The following IL16 variants were observed in gnomAD, a reference collection of about 807,000 sequenced individuals.
The protein encoded by IL16 is interleukin 16.
In IL16, 67 loss-of-function variants were observed where a neutral mutation model predicts 110.1. The observed-to-expected ratio is 0.61, with a 90% confidence interval of 0.50 to 0.75. IL16 has a LOEUF of 0.75. Among genes scored for constraint, IL16 ranks in the 30% least tolerant of loss-of-function variants. IL16 has a pLI of 0.00. For synonymous variants in IL16, 689 were observed against 662.9 expected (o/e 1.04, Z -0.61); for missense variants, 1,545 against 1,655.0 (o/e 0.93, Z 1.15).
intron 2 of IL16, among the ~76,000 whole-genome samples, chr15:81,237,973 C>T (rs542954754): frequency 8.5e-5 from 13 of 152,152 alleles, no homozygotes; most frequent in Admixed American, 2.6e-4. Flanking sequence ...GATGCAATCT[C>T]GGCTCACTGC....
intron 1 of IL16, among the ~76,000 whole-genome samples, chr15:81,209,250 A>T (rs1356410128): frequency 6.6e-6 from 1 of 152,164 alleles, no homozygotes. Context: ...CAGGGAAATC[A>T]TGGGTACACC....
chr15:81,280,289 G>A (rs760363055), intron 8 of IL16, among the ~76,000 whole-genome samples: 3 of 152,198 alleles, frequency 2.0e-5, no homozygotes, highest in Non-Finnish European at 4.4e-5. Flanking sequence ...AGGAGGCAGC[G>A]AGGCACAGAG....
At position 81,187,340 on chromosome 15, in the gene IL16, G is replaced by A. The variant is rs1014414782; in HGVS notation, c.40+4444G>A. 4.6e-5 allele frequency among the ~76,000 whole-genome samples: 7 copies of A among 152,166 alleles called. No homozygotes were observed. The South Asian group carries it at 1.2e-3, about 27-fold the overall frequency. ...TGGCTGGATGCAGTGGCTCACATCCGTAATCGCTACACTTTTGTAGGCTGA... is the reference window on the plus strand; with the variant it reads ...TGGCTGGATGCAGTGGCTCACATCCATAATCGCTACACTTTTGTAGGCTGA... On this transcript the variant is annotated intron_variant, in intron 1 of 18. Coordinates refer to the IL16 transcript ENST00000302987.
intron 2 of IL16, among the ~76,000 whole-genome samples, chr15:81,252,069 C>T (rs552538050): frequency 9.2e-5 from 14 of 152,140 alleles, no homozygotes; most frequent in African/African-American, 2.2e-4. Flanking sequence ...ATGGTTTTCT[C>T]AGGAGACAGC....
chr15:81,313,425 T>C lies in IL16; in HGVS notation c.*4627T>C. On this transcript the variant is annotated 3_prime_UTR_variant, in exon 19 of 19. Transcript: ENST00000683961. ...TTCCCTGTGAAGGCAACAGCAGAGC[T>C]GTGTTATGATCTGCAGCAGAGGTGC... 1 of 1,503,234 alleles carries C rather than the reference T, an allele frequency of 6.7e-7. No individual in the cohort carries two copies. Among genetic ancestry groups the C allele is most frequent in the Non-Finnish European group, 8.9e-7 (1 of 1,122,008 alleles). The allele number at this position is 1,503,234 out of a possible 1,614,324, so 93.1% of individuals were successfully genotyped here.
At chr15:81,213,106 G>T (rs1170797964) in intron 1 of IL16, among the ~76,000 whole-genome samples, 1 of 151,238 alleles carries the variant, frequency 6.6e-6, no homozygotes, top group African/African-American at 2.4e-5. Flanking sequence ...TAATTTAAAA[G>T]AATATTTTAA....
At chr15:81,215,986 C>T (rs1333974379) in intron 1 of IL16, among the ~76,000 whole-genome samples, 3 of 152,232 alleles carry the variant, frequency 2.0e-5, no homozygotes. Context: ...GTGCTGTGCA[C>T]CTGCTCCTGC....
chr15:81,190,671 C>A (rs1895485481), intron 1 of IL16, among the ~76,000 whole-genome samples: 1 of 152,134 alleles, frequency 6.6e-6, no homozygotes, highest in South Asian at 2.1e-4. Flanking sequence ...AACCTACCCC[C>A]AAAGGCTGAG....
chr15:81,300,525 T>C, intron 14 of IL16, 50 bp downstream of exon 14: 1 of 1,223,280 alleles, frequency 8.2e-7, no homozygotes, highest in Non-Finnish European at 1.2e-6. Context: ...TCTTTTTCTT[T>C]CTCATCTTTA....
chr15:81,292,450 A>ATGGCCGATGTGCAGTGTGC, intron 11 of IL16, 106 bp from the exon 12 acceptor site: 1 of 1,510,032 alleles, frequency 6.6e-7, no homozygotes, highest in Non-Finnish European at 9.2e-7. Context: ...TAAGAAGCAG[A>ATGGCCGATGTGCAGTGTGC]TGGCCGATGT....
chr15:81,269,105 C>T (rs1221240973), intron 4 of IL16, among the ~76,000 whole-genome samples: 4 of 152,262 alleles, frequency 2.6e-5, no homozygotes, highest in Non-Finnish European at 5.9e-5. Context: ...GGCTCCGCCC[C>T]CTTGCCCACC....
chr15:81,264,423 C>A (rs1471635641), intron 3 of IL16, among the ~76,000 whole-genome samples: 3 of 152,150 alleles, frequency 2.0e-5, no homozygotes, highest in African/African-American at 7.2e-5. Flanking sequence ...CTCAGAGATA[C>A]CACTCCTCTT....
intron 2 of IL16, among the ~76,000 whole-genome samples, chr15:81,252,686 A>G (rs926872829): frequency 6.6e-6 from 1 of 152,126 alleles, no homozygotes; most frequent in Non-Finnish European, 1.5e-5. Flanking sequence ...TCCACTTTCT[A>G]TCTATAGATT....
chr15:81,305,980 A>C lies in IL16; in HGVS notation c.3493A>C (p.Ile1165Leu). ...TCAGAAGGGCAATGAGGTTCTTTCC[A>C]TCAACGGCAAGTCTCTCAAGGGGAC... ...TIQKGNEVLS[I>L]NGKSLKGTTH... Residue 1165 changes from isoleucine to leucine, a missense_variant, in exon 17 of 19, where the codon ATC becomes CTC. Physicochemically the swap from Ile to Leu is conservative, Grantham distance 5. Coordinates refer to ENST00000683961, the MANE Select transcript of IL16 (RefSeq NM_172217.5). 1 of 1,614,166 alleles carries C rather than the reference A, an allele frequency of 6.2e-7. No homozygotes were observed. Among genetic ancestry groups the C allele is most frequent in the Non-Finnish European group, 8.5e-7 (1 of 1,180,018 alleles).
At chr15:81,270,745 G>A (rs190046232) in intron 5 of IL16, among the ~76,000 whole-genome samples, 2 of 152,324 alleles carry the variant, frequency 1.3e-5, no homozygotes, top group East Asian at 3.9e-4. Context: ...CTCATGTGAA[G>A]ATGACCAAAA....
At chr15:81,304,387 T>C (rs1171424690) in intron 16 of IL16, among the ~76,000 whole-genome samples, 1 of 152,202 alleles carries the variant, frequency 6.6e-6, no homozygotes, top group East Asian at 1.9e-4. Flanking sequence ...TCTCTGTCCA[T>C]GAGTAGCAAC....
rs577761337 is a variant in IL16, at chr15:81,313,934, T to C, written c.*5136T>C. 6.6e-6 allele frequency: 1 copy of C among 152,250 alleles called. No homozygotes were observed. Among genetic ancestry groups the C allele is most frequent in the Non-Finnish European group, 1.5e-5 (1 of 68,016 alleles). 9.4% of individuals were successfully genotyped at this position (152,250 alleles called of 1,614,324 possible). On this transcript the variant is annotated 3_prime_UTR_variant, in exon 19 of 19. Transcript: ENST00000683961. Reference sequence around the variant, plus strand: ...GCAACAGACTACACGCACAAGCAGGTATGAGTTTCTGTTAAGCCTGGCATG... The same window carrying C: ...GCAACAGACTACACGCACAAGCAGGCATGAGTTTCTGTTAAGCCTGGCATG...
chr15:81,188,146 A>G (rs943656172), intron 1 of IL16, among the ~76,000 whole-genome samples: 8 of 152,318 alleles, frequency 5.3e-5, no homozygotes, highest in African/African-American at 1.9e-4. Context: ...GCTGCAGTCC[A>G]GACTAGAATG....
At chr15:81,244,451 A>AT (rs1376376153) in intron 2 of IL16, among the ~76,000 whole-genome samples, 1 of 151,914 alleles carries the variant, frequency 6.6e-6, no homozygotes, top group Non-Finnish European at 1.5e-5. Flanking sequence ...AGAAAAAAAT[A>AT]TTTTTTGCTA....
Sources: gnomAD v4.1 joint callset for allele counts (sites outside exome capture counted in the v4.1 genomes callset) on GRCh38, gnomAD v4.1.1 for gene constraint, MANE v1.5 for transcripts, NCBI Gene and HGNC (gene_info 2026-07-23, HGNC 2026-07-21) for gene names.